The following KCND3 variants were observed in gnomAD, a reference collection of about 807,000 sequenced individuals.
KCND3 encodes the protein A-type voltage-gated potassium channel KCND3.
In KCND3, 9 loss-of-function variants were observed where a neutral mutation model predicts 51.1. The observed-to-expected ratio is 0.18, with a 90% CI of 0.11 to 0.31. The LOEUF (loss-of-function observed/expected upper bound fraction) is 0.31. Among genes scored for constraint, KCND3 ranks in the 10% least tolerant of loss-of-function variants. KCND3 has a pLI of 1.00. For missense variants in KCND3, 526 were observed against 903.8 expected (o/e 0.58, Z 5.36); for synonymous variants, 349 against 368.0 (o/e 0.95, Z 0.59).
intron 2 of KCND3, among the ~76,000 whole-genome samples, chr1:111,968,351 C>T (rs1674122372): frequency 6.6e-6 from 1 of 150,972 alleles, no homozygotes. Context: ...AAATGGGCCA[C>T]AGAAGAAGGG....
At position 111,823,724 on chromosome 1, in the gene KCND3, C is replaced by T. The variant is rs185074274; in HGVS notation, c.1107-36618G>A. Among the ~76,000 whole-genome samples the T allele has an allele frequency of 3.2e-3, 488 of 152,316 alleles. 2 individuals are homozygous for T. The highest frequency in any genetic ancestry group is 4.9e-3 in the Non-Finnish European group (334 of 68,026). On this transcript the variant is annotated intron_variant, in intron 2 of 7. Transcript: ENST00000302127. Reference sequence around the variant, plus strand: ...ACCCTCAGAGCTAAGTAGGGCAGTGCTATTACCTGTTCAGTGAGGGTGAAT... The same window carrying T: ...ACCCTCAGAGCTAAGTAGGGCAGTGTTATTACCTGTTCAGTGAGGGTGAAT...
chr1:111,800,490 A>G (rs1419455310), intron 2 of KCND3, among the ~76,000 whole-genome samples: 2 of 135,202 alleles, frequency 1.5e-5, no homozygotes, highest in African/African-American at 2.8e-5. Context: ...CTATTGTCCC[A>G]TGACCCTGCC....
intron 2 of KCND3, among the ~76,000 whole-genome samples, chr1:111,903,854 G>C (rs1457611858): frequency 2.0e-5 from 3 of 152,082 alleles, no homozygotes; most frequent in African/African-American, 7.2e-5. Flanking sequence ...CCTGTGTTCT[G>C]GGAGCTTAGG....
At chr1:111,937,495 ATGTC>A (rs1265628516) in intron 2 of KCND3, among the ~76,000 whole-genome samples, 2 of 152,158 alleles carry the variant, frequency 1.3e-5, no homozygotes, top group Non-Finnish European at 2.9e-5. Flanking sequence ...GACGAAAAGA[ATGTC>A]TGCTGTAGAA....
intron 2 of KCND3, among the ~76,000 whole-genome samples, chr1:111,788,844 GATA>G (rs1164531358): frequency 6.6e-6 from 1 of 152,178 alleles, no homozygotes; most frequent in Non-Finnish European, 1.5e-5. Context: ...GTAAAATGAA[GATA>G]ATAACAGTAA....
At chr1:111,841,311 C>T (rs748515490) in intron 2 of KCND3, among the ~76,000 whole-genome samples, 4 of 152,212 alleles carry the variant, frequency 2.6e-5, no homozygotes, top group Admixed American at 6.5e-5. Context: ...TCTTTCTCTG[C>T]GCAGTTAGAA....
At chr1:111,948,018 A>C (rs1672867259) in intron 2 of KCND3, among the ~76,000 whole-genome samples, 1 of 152,144 alleles carries the variant, frequency 6.6e-6, no homozygotes, top group African/African-American at 2.4e-5. Flanking sequence ...ACCTCCGAGG[A>C]GCCCTGTTCA....
intron 2 of KCND3, among the ~76,000 whole-genome samples, chr1:111,854,418 C>T (rs529311054): frequency 2.4e-4 from 36 of 152,298 alleles, no homozygotes; most frequent in Non-Finnish European, 4.3e-4. Context: ...CCCTGGGCTA[C>T]GACCATCTCT....
At chr1:111,838,424 A>C (rs1391474540) in intron 2 of KCND3, among the ~76,000 whole-genome samples, 1 of 152,162 alleles carries the variant, frequency 6.6e-6, no homozygotes, top group South Asian at 2.1e-4. Flanking sequence ...TTGGGAGGCC[A>C]AGGCGGGCGG....
At chr1:111,778,370 G>C in intron 6 of KCND3, 66 bp downstream of exon 6, 1 of 1,468,912 alleles carries the variant, frequency 6.8e-7, no homozygotes, top group East Asian at 2.3e-5. Flanking sequence ...GGGTAAAAAG[G>C]GGAGAATCCA....
chr1:111,987,834 A>G (rs1675374454), intron 1 of KCND3, among the ~76,000 whole-genome samples: 1 of 152,194 alleles, frequency 6.6e-6, no homozygotes, highest in African/African-American at 2.4e-5. Context: ...GAAGAGTTTG[A>G]CAGTGGGAAA....
At chr1:111,805,921 G>A (rs138414445) in intron 2 of KCND3, among the ~76,000 whole-genome samples, 8 of 152,348 alleles carry the variant, frequency 5.3e-5, no homozygotes, top group Non-Finnish European at 8.8e-5. Flanking sequence ...GTGGCAGGAC[G>A]GGGACAGGAG....
intron 3 of KCND3, among the ~76,000 whole-genome samples, chr1:111,782,015 C>T (rs533732689): frequency 6.6e-6 from 1 of 152,096 alleles, no homozygotes; most frequent in Admixed American, 6.5e-5. Context: ...GGAAGCAGAA[C>T]AGCCCACAAG....
At chr1:111,791,616 T>A (rs992525382) in intron 2 of KCND3, among the ~76,000 whole-genome samples, 6 of 152,216 alleles carry the variant, frequency 3.9e-5, no homozygotes, top group African/African-American at 1.4e-4. Flanking sequence ...CTTTTTTCAT[T>A]TAGATCCTGT....
intron 2 of KCND3, among the ~76,000 whole-genome samples, chr1:111,858,378 G>A (rs779671237): frequency 3.3e-5 from 5 of 152,122 alleles, no homozygotes; most frequent in Non-Finnish European, 5.9e-5. Context: ...TCCCTCCAAA[G>A]GCCTATGAGA....
intron 2 of KCND3, among the ~76,000 whole-genome samples, chr1:111,930,108 A>G (rs1671892264): frequency 1.3e-5 from 2 of 152,184 alleles, no homozygotes; most frequent in African/African-American, 4.8e-5. Context: ...GGGCTGCTGG[A>G]ATGCGGGACA....
chr1:111,849,738 G>T (rs12044963), intron 2 of KCND3, among the ~76,000 whole-genome samples: 16,788 of 152,186 alleles, frequency 0.11, 1,364 homozygotes, highest in East Asian at 0.41. Context: ...CATTTAGCTT[G>T]TCCAGGCCTG....
intron 2 of KCND3, among the ~76,000 whole-genome samples, chr1:111,899,004 C>T (rs535600362): frequency 8.5e-4 from 129 of 152,316 alleles, no homozygotes; most frequent in African/African-American, 2.9e-3. Context: ...AACAGGGTGG[C>T]ATAATCCTAT....
chr1:111,987,875 G>A (rs1410564284), intron 1 of KCND3, among the ~76,000 whole-genome samples: 1 of 152,176 alleles, frequency 6.6e-6, no homozygotes, highest in Non-Finnish European at 1.5e-5. Flanking sequence ...TGGAAAAGAG[G>A]CATTCAAAAC....
Sources: gnomAD v4.1 joint callset for allele counts (sites outside exome capture counted in the v4.1 genomes callset) on GRCh38, gnomAD v4.1.1 for gene constraint, MANE v1.5 for transcripts, NCBI Gene and HGNC (gene_info 2026-07-23, HGNC 2026-07-21) for gene names.